The following AP5M1 variants were observed in gnomAD, a reference collection of about 807,000 sequenced individuals.
The protein encoded by AP5M1 is adaptor related protein complex 5 subunit mu 1.
A neutral mutation model predicts 52.3 loss-of-function variants in AP5M1; 44 were observed. That is an observed-to-expected ratio of 0.84 (90% CI 0.66 to 1.08). AP5M1 has a LOEUF of 1.08. AP5M1 is among the 50% of genes least tolerant of loss of function. The pLI is 0.00. For missense variants in AP5M1, 526 were observed against 568.4 expected (o/e 0.93, Z 0.76); for synonymous variants, 213 against 199.0 (o/e 1.07, Z -0.59).
intron 2 of AP5M1, chr14:57,275,108 A>G (rs1884994236): frequency 3.5e-6 from 2 of 569,396 alleles, no homozygotes; most frequent in Non-Finnish European, 6.1e-6. Context: ...TGTCCCCAAA[A>G]TAGACATTTA....
At chr14:57,277,933 T>C (rs969857928) in intron 2 of AP5M1, among the ~76,000 whole-genome samples, 1 of 152,124 alleles carries the variant, frequency 6.6e-6, no homozygotes, top group Non-Finnish European at 1.5e-5. Context: ...GGACAGTTAA[T>C]GCGTGGTGCA....
intron 1 of AP5M1, chr14:57,273,803 C>A: frequency 2.9e-6 from 2 of 693,710 alleles, no homozygotes; most frequent in South Asian, 1.5e-5. Flanking sequence ...ACTAATGAAT[C>A]CAAAATTATG....
chr14:57,280,172 T>C lies in AP5M1; in HGVS notation c.721-23T>C, dbSNP rs199755787. ...ACATTTGCTTCTGAGATTTTGGTGA[T>C]AATCTTTCTGTTTGCATTTCAGTGT... On this transcript the variant is annotated intron_variant, in intron 2 of 7. Transcript: ENST00000261558. 33 of 1,556,704 alleles carry C rather than the reference T, an allele frequency of 2.1e-5. No individual in the cohort carries two copies. In the African/African-American group the frequency reaches 3.7e-4, roughly 17 times the overall value.
Position 57,297,638 on chromosome 14 carries a change from T to C in AP5M1, c.*8754T>C, listed in dbSNP as rs1022430637. On this transcript the variant is annotated 3_prime_UTR_variant, in exon 8 of 8. Coordinates refer to ENST00000261558, the MANE Select transcript of AP5M1 (RefSeq NM_018229.4). The stretch of plus-strand genomic sequence containing the variant: ...CAAGCTCTAGAGTAGTGGCCTCACA[T>C]TGATTTATATTAGTGTGCCAGTCTT... 1.3e-5 allele frequency: 2 copies of C among 152,018 alleles called. No homozygotes were observed. Among genetic ancestry groups the C allele is most frequent in the African/African-American group, 2.4e-5 (1 of 41,410 alleles). The allele number at this position is 152,018 out of a possible 1,614,324, so 9.4% of individuals were successfully genotyped here.
In AP5M1 at chr14:57,282,207, C is replaced by T. The variant is rs561546214; in HGVS notation, c.1067C>T (p.Ala356Val). ...AAAAATAATTTTGAATTCTGTGAAG[C>T]CCATATACCTTTTTACAATAGGTAG... Reference protein sequence around the residue: ...SVKNNFEFCEAHIPFYNRGPI... With the variant: ...SVKNNFEFCEVHIPFYNRGPI... The change falls in exon 4 of 8, where the codon GCC (alanine) becomes GTC (valine). Residue 356 changes from alanine to valine, a missense_variant. Transcript: ENST00000261558. 2.6e-5 allele frequency: 41 copies of T among 1,549,736 alleles called. No homozygotes were observed. In the African/African-American group the frequency reaches 5.3e-4, roughly 20 times the overall value.
rs1050979831 is a variant in AP5M1, at chr14:57,297,937, T to C, written c.*9053T>C. 6.6e-6 allele frequency: 1 copy of C among 152,184 alleles called. No homozygotes were observed. The highest frequency in any genetic ancestry group is 6.5e-5 in the Admixed American group (1 of 15,268). 9.4% of individuals were successfully genotyped at this position (152,184 alleles called of 1,614,324 possible). Reference sequence around the variant, plus strand: ...GCACAGGTGAATTCTGCCCTGCGATTGCCATCTTTAGCACTTTTCAGAGAA... The same window carrying C: ...GCACAGGTGAATTCTGCCCTGCGATCGCCATCTTTAGCACTTTTCAGAGAA... On this transcript the variant is annotated 3_prime_UTR_variant, in exon 8 of 8. Coordinates refer to ENST00000261558, the MANE Select transcript of AP5M1 (RefSeq NM_018229.4).
In AP5M1 at chr14:57,272,390, C is replaced by T. The variant is rs564523620; in HGVS notation, c.75-1854C>T. Among the ~76,000 whole-genome samples the T allele has an allele frequency of 5.9e-5, 9 of 152,208 alleles. No homozygotes were observed. In the East Asian group the frequency reaches 1.7e-3, roughly 29 times the overall value. On this transcript the variant is annotated intron_variant, in intron 1 of 7. Coordinates refer to ENST00000261558, the MANE Select transcript of AP5M1 (RefSeq NM_018229.4). ...GTTTTCTCTATCTAAGTACTTATTT[C>T]CTATAACAAAACTTGGTTAAGATTC... is the stretch of plus-strand genomic sequence containing the variant.
In AP5M1 at chr14:57,274,615, A is replaced by T; in HGVS notation, c.446A>T (p.Asp149Val). Residue 149 changes from aspartate to valine, a missense_variant, in exon 2 of 8, where the codon GAC becomes GTC. Asp to Val is a radical substitution (Grantham distance 152, BLOSUM62 -3). Around this residue, in one of 3 missense-constraint regions of AP5M1, gnomAD observed 425 missense variants for 430.6 expected, o/e 0.99. Transcript: ENST00000261558. Reference protein sequence around the residue: ...QDFLYSGQKNDSELNTKLSQL... With the variant: ...QDFLYSGQKNVSELNTKLSQL... ...TTTCTTTATTCAGGTCAAAAAAATGACTCTGAGCTGAATACAAAATTGAGC... is the reference window on the plus strand; with the variant it reads ...TTTCTTTATTCAGGTCAAAAAAATGTCTCTGAGCTGAATACAAAATTGAGC... The T allele has an allele frequency of 6.2e-7, 1 of 1,614,168 alleles. No homozygotes were observed. Among genetic ancestry groups the T allele is most frequent in the Non-Finnish European group, 8.5e-7 (1 of 1,180,034 alleles).
chr14:57,282,208 CCATAT>C lies in AP5M1; in HGVS notation c.1069_1073del (p.His357ThrfsTer5). 6.5e-7 allele frequency: 1 copy of C among 1,548,778 alleles called. No homozygotes were observed. Among genetic ancestry groups the C allele is most frequent in the Non-Finnish European group, 8.7e-7 (1 of 1,154,944 alleles). On this transcript the variant is annotated frameshift_variant, in exon 4 of 8. Coordinates refer to ENST00000261558, the MANE Select transcript of AP5M1 (RefSeq NM_018229.4). LOFTEE classifies it high-confidence loss of function. ...AAAATAATTTTGAATTCTGTGAAGC[CCATAT>C]ACCTTTTTACAATAGGTAGGAATAA...
At chr14:57,275,754 G>A (rs1408006576) in intron 2 of AP5M1, among the ~76,000 whole-genome samples, 2 of 152,114 alleles carry the variant, frequency 1.3e-5, no homozygotes, top group African/African-American at 2.4e-5. Flanking sequence ...TAAACAAGTC[G>A]TTAGGTTAAT....
chr14:57,272,234 C>G (rs898578028), intron 1 of AP5M1, among the ~76,000 whole-genome samples: 1 of 152,038 alleles, frequency 6.6e-6, no homozygotes, highest in Non-Finnish European at 1.5e-5. Context: ...CATTGAATGA[C>G]TTAGTTAAAT....
rs1193686135 is a variant in AP5M1, at chr14:57,295,517, A to G, written c.*6633A>G. On this transcript the variant is annotated 3_prime_UTR_variant, in exon 8 of 8. Coordinates refer to ENST00000261558, the MANE Select transcript of AP5M1 (RefSeq NM_018229.4). ...GAAGTGTTGAAAGAATATTTGTTGCATCTTCAAGCAACCTGCTGCTCTCCA... is the reference window on the plus strand; with the variant it reads ...GAAGTGTTGAAAGAATATTTGTTGCGTCTTCAAGCAACCTGCTGCTCTCCA... 1 of 151,962 alleles carries G rather than the reference A, an allele frequency of 6.6e-6. No homozygotes were observed. The highest frequency in any genetic ancestry group is 1.5e-5 in the Non-Finnish European group (1 of 67,888). The allele number at this position is 151,962 out of a possible 1,614,324, so 9.4% of individuals were successfully genotyped here.
At chr14:57,277,240 A>C (rs1313223578) in intron 2 of AP5M1, among the ~76,000 whole-genome samples, 1 of 152,002 alleles carries the variant, frequency 6.6e-6, no homozygotes, top group Non-Finnish European at 1.5e-5. Context: ...TTCTCAACCT[A>C]TAGTAAATAA....
rs1885462918 is a variant in AP5M1 at position 57,292,649 on chromosome 14, T to G, written c.*3765T>G. 2 of 151,840 alleles carry G rather than the reference T, an allele frequency of 1.3e-5. No homozygotes were observed. Among genetic ancestry groups the G allele is most frequent in the Non-Finnish European group, 2.9e-5 (2 of 67,804 alleles). The allele number at this position is 151,840 out of a possible 1,614,324, so 9.4% of individuals were successfully genotyped here. On this transcript the variant is annotated 3_prime_UTR_variant, in exon 8 of 8. Transcript: ENST00000261558. Reference sequence around the variant, plus strand: ...AAGTATTGCTTCTAGTTTTGTTTCATGCACTAGGGTATACTTAACTGGCCT... The same window carrying G: ...AAGTATTGCTTCTAGTTTTGTTTCAGGCACTAGGGTATACTTAACTGGCCT...
intron 1 of AP5M1, 51 bp downstream of exon 1, chr14:57,269,439 G>A (rs758235461): frequency 6.9e-6 from 11 of 1,593,390 alleles, no homozygotes; most frequent in Middle Eastern, 3.3e-4. Flanking sequence ...GATCGATGAA[G>A]TAGCATAGTT....
intron 7 of AP5M1, 143 bp downstream of exon 7, chr14:57,286,462 A>C: frequency 1.6e-6 from 1 of 618,850 alleles, no homozygotes; most frequent in Non-Finnish European, 2.9e-6. Flanking sequence ...TCTACCCCAC[A>C]TAACAGTTTG....
chr14:57,288,762 T>C (rs754752825), intron 7 of AP5M1, 40 bp from the exon 8 acceptor site: 1 of 1,305,176 alleles, frequency 7.7e-7, no homozygotes, highest in Non-Finnish European at 1.1e-6. Flanking sequence ...GAATTTTTGC[T>C]GAAATAGTCT....
At chr14:57,282,559 A>C (rs192689344) in intron 4 of AP5M1, among the ~76,000 whole-genome samples, 1 of 152,212 alleles carries the variant, frequency 6.6e-6, no homozygotes, top group African/African-American at 2.4e-5. Context: ...TTAGCCAATT[A>C]TATCATAATA....
At chr14:57,277,423 ATATC>A (rs1306887052) in intron 2 of AP5M1, among the ~76,000 whole-genome samples, 4 of 152,186 alleles carry the variant, frequency 2.6e-5, no homozygotes, top group Non-Finnish European at 5.9e-5. Flanking sequence ...GTCTCCATAA[ATATC>A]TATCAAAAGC....
Sources: gnomAD v4.1 joint callset for allele counts (sites outside exome capture counted in the v4.1 genomes callset) on GRCh38, gnomAD v4.1.1 for gene constraint, gnomAD v4.1.1 regional missense constraint, MANE v1.5 for transcripts, NCBI Gene and HGNC (gene_info 2026-07-23, HGNC 2026-07-21) for gene names.